The following ZNF469 variants were observed in gnomAD, a reference collection of about 807,000 sequenced individuals.
ZNF469 encodes zinc finger protein 469.
A neutral mutation model predicts 1.0 loss-of-function variants in ZNF469; 1 was observed. The observed-to-expected ratio is 1.00, with a 90% CI of 0.35 to 4.73. The LOEUF (loss-of-function observed/expected upper bound fraction) is 4.73, where lower values mean the gene tolerates loss of function less well. Among genes scored for constraint, ZNF469 ranks in the 30% most tolerant of loss-of-function variants. The pLI, the probability that ZNF469 is intolerant of heterozygous loss-of-function variation, is 0.16. For missense variants in ZNF469, 6,100 were observed against 5,356.3 expected (o/e 1.14, Z -4.33); for synonymous variants, 2,703 against 2,363.4 (o/e 1.14, Z -4.17).
Position 88,430,229 on chromosome 16 carries a change from C to T in ZNF469, c.2759C>T (p.Ala920Val). The change falls in exon 3 of 3, where the codon GCC becomes GTC. Residue 920 changes from alanine (A) to valine (V), a missense_variant. Ala to Val is a moderately conservative substitution (Grantham distance 64). Transcript: ENST00000565624. ...TPRPGDRGCP[A>V]RGRPKTRSLG... ...CGCCCTGGGGACAGGGGCTGCCCAG[C>T]CCGAGGCAGGCCCAAAACGCGTTCC... The T allele has an allele frequency of 6.5e-7, 1 of 1,535,392 alleles. No homozygotes were observed. Among genetic ancestry groups the T allele is most frequent in the Middle Eastern group, 1.7e-4 (1 of 5,910 alleles).
the ZNF469 span, among the ~76,000 whole-genome samples, chr16:88,316,467 C>A: frequency 1.3e-5 from 2 of 151,526 alleles, no homozygotes; most frequent in East Asian, 3.9e-4. Flanking sequence ...TGCAGACACC[C>A]CGACGGTGGG....
chr16:88,166,442 G>A, the ZNF469 span, among the ~76,000 whole-genome samples: 1 of 152,076 alleles, frequency 6.6e-6, no homozygotes, highest in East Asian at 1.9e-4. This position sits in a 1 kb window ranked among gnomAD's most constrained non-coding sequence, Gnocchi z 4.5. Flanking sequence ...GCGGTGAAAT[G>A]CACAAGTCTT....
the ZNF469 span, among the ~76,000 whole-genome samples, chr16:88,132,236 C>A: frequency 2.7e-4 from 41 of 152,372 alleles, no homozygotes; most frequent in Non-Finnish European, 4.9e-4. Flanking sequence ...CGGCCTCCGA[C>A]GCCCGCCTTC....
chr16:88,248,067 G>C, the ZNF469 span, among the ~76,000 whole-genome samples: 3 of 152,156 alleles, frequency 2.0e-5, no homozygotes, highest in African/African-American at 4.8e-5. Flanking sequence ...GGGTTGGAGA[G>C]ACAGGCCACA....
chr16:88,122,831 A>ATG, the ZNF469 span, among the ~76,000 whole-genome samples: 3 of 151,692 alleles, frequency 2.0e-5, no homozygotes, highest in Non-Finnish European at 4.4e-5. Flanking sequence ...CTGTGTATAT[A>ATG]TGTGTGTGTG....
At chr16:88,287,280 T>A in the ZNF469 span, among the ~76,000 whole-genome samples, 4 of 152,092 alleles carry the variant, frequency 2.6e-5, no homozygotes, top group Non-Finnish European at 5.9e-5. Context: ...GACACAGGAG[T>A]TTCCAGTGTT....
the ZNF469 span, among the ~76,000 whole-genome samples, chr16:88,253,081 T>G: frequency 2.4e-4 from 36 of 152,224 alleles, no homozygotes; most frequent in Non-Finnish European, 4.0e-4. Context: ...ATGAATGAAT[T>G]ATCACCGTTT....
rs935557723 is a variant in ZNF469 at position 88,424,059 on chromosome 16, G to C, written c.-191-748G>C. On this transcript the variant is annotated intron_variant, in intron 1 of 2. Coordinates refer to ENST00000565624, the MANE Select transcript of ZNF469 (RefSeq NM_001367624.2). The surrounding 1 kb of genome is among the most constrained non-coding windows in gnomAD (Gnocchi z 4.3). Reference sequence around the variant, plus strand: ...CCAAAGTCAAACGCAGGTGCCCTTTGACGCAGCTAGGCCCACAGCGTTTGG... The same window carrying C: ...CCAAAGTCAAACGCAGGTGCCCTTTCACGCAGCTAGGCCCACAGCGTTTGG... Among the ~76,000 whole-genome samples, 2 of 152,242 alleles carry C rather than the reference G, an allele frequency of 1.3e-5. No individual in the cohort carries two copies. Among genetic ancestry groups the C allele is most frequent in the Admixed American group, 6.5e-5 (1 of 15,288 alleles).
the ZNF469 span, among the ~76,000 whole-genome samples, chr16:88,135,144 A>G: frequency 5.3e-5 from 8 of 152,210 alleles, no homozygotes; most frequent in Admixed American, 4.6e-4. Flanking sequence ...ACAGAAGCCT[A>G]TTGGCCTGCG....
the ZNF469 span, among the ~76,000 whole-genome samples, chr16:88,297,669 G>A: frequency 3.3e-5 from 5 of 152,170 alleles, no homozygotes; most frequent in East Asian, 1.9e-4. Context: ...CTGTCCCCAC[G>A]CACCCTCTCC....
At chr16:88,374,812 G>A in the ZNF469 span, among the ~76,000 whole-genome samples, 404 of 150,764 alleles carry the variant, frequency 2.7e-3, no homozygotes, top group African/African-American at 9.4e-3. Flanking sequence ...AGCTGTGAGC[G>A]GCTGTATCTG....
rs746145535 is a variant in ZNF469 at position 88,439,004 on chromosome 16, C to T, written c.11534C>T (p.Pro3845Leu). ...GCCCCCTCAGCCCCTGACAAGCCCC[C>T]CCGGACCCCTCGGAAGCAGGCAACT... is the stretch of plus-strand genomic sequence containing the variant. Reference protein sequence around the residue: ...GRAPSAPDKPPRTPRKQATPS... With the variant: ...GRAPSAPDKPLRTPRKQATPS... Residue 3845 changes from proline to leucine, a missense_variant, in exon 3 of 3, where the codon CCC (proline) becomes CTC (leucine). Physicochemically the swap from Pro to Leu is moderately conservative, Grantham distance 98. Coordinates refer to ENST00000565624, the MANE Select transcript of ZNF469 (RefSeq NM_001367624.2). The T allele has an allele frequency of 1.3e-6, 2 of 1,550,452 alleles. No individual in the cohort carries two copies. Among genetic ancestry groups the T allele is most frequent in the Non-Finnish European group, 1.7e-6 (2 of 1,146,982 alleles).
chr16:88,241,257 G>T, the ZNF469 span, among the ~76,000 whole-genome samples: 1 of 152,016 alleles, frequency 6.6e-6, no homozygotes, highest in Non-Finnish European at 1.5e-5. This position sits in a 1 kb window ranked among gnomAD's most constrained non-coding sequence, Gnocchi z 4.8. Context: ...TACTTAGGAG[G>T]TTGAGGCAGG....
chr16:88,430,911 C>A lies in ZNF469; in HGVS notation c.3441C>A (p.Gly1147=), dbSNP rs908428236. ...KPRKAARQEA[G]GDGAPANPEE... ...GGAAGGCGGCGAGGCAGGAAGCCGGCGGGGACGGAGCCCCCGCGAACCCCG... is the reference window on the plus strand; with the variant it reads ...GGAAGGCGGCGAGGCAGGAAGCCGGAGGGGACGGAGCCCCCGCGAACCCCG... Residue 1147 remains glycine, a synonymous_variant, in exon 3 of 3, where the codon GGC becomes GGA. Transcript: ENST00000565624. The A allele has an allele frequency of 1.3e-6, 2 of 1,537,106 alleles. No individual in the cohort carries two copies. Among genetic ancestry groups the A allele is most frequent in the Non-Finnish European group, 1.7e-6 (2 of 1,145,780 alleles).
chr16:88,150,151 A>T, the ZNF469 span, among the ~76,000 whole-genome samples: 33,749 of 152,064 alleles, frequency 0.22, 4,381 homozygotes, highest in East Asian at 0.49. Context: ...CTACTTAAAA[A>T]ATACAAAAAT....
the ZNF469 span, among the ~76,000 whole-genome samples, chr16:88,151,254 C>A: frequency 6.6e-6 from 1 of 152,368 alleles, no homozygotes; most frequent in East Asian, 1.9e-4. The surrounding 1 kb of genome is among the most constrained non-coding windows in gnomAD (Gnocchi z 5.4). Context: ...CAGGCCTCGA[C>A]TGTCAGCCGG....
chr16:88,247,552 A>ATGAGTGACTGAG, the ZNF469 span, among the ~76,000 whole-genome samples: 2 of 98,072 alleles, frequency 2.0e-5, no homozygotes, highest in African/African-American at 5.7e-5. Flanking sequence ...GAGTGAATGA[A>ATGAGTGACTGAG]TGAGTGACTG....
chr16:88,285,173 C>G, the ZNF469 span, among the ~76,000 whole-genome samples: 5 of 152,260 alleles, frequency 3.3e-5, no homozygotes, highest in African/African-American at 1.2e-4. Flanking sequence ...GGGCTGCTAT[C>G]TGGGCCAAAG....
At chr16:88,286,550 G>A in the ZNF469 span, among the ~76,000 whole-genome samples, 12 of 152,380 alleles carry the variant, frequency 7.9e-5, no homozygotes, top group African/African-American at 2.6e-4. Flanking sequence ...AGAGGACATG[G>A]CCCCTCACCT....
Sources: allele counts gnomAD v4.1 joint callset (sites outside exome capture counted in the v4.1 genomes callset), GRCh38; gene constraint gnomAD v4.1.1; non-coding constraint Gnocchi (gnomAD v3.1); transcripts MANE v1.5; gene names NCBI Gene and HGNC (gene_info 2026-07-23, HGNC 2026-07-21).